ADAMTSL1: variants seen among roughly 807,000 people sequenced by gnomAD.
ADAMTSL1 encodes ADAMTS like 1.
In ADAMTSL1, 126 loss-of-function variants were observed where a neutral mutation model predicts 201.8. The observed-to-expected ratio is 0.62, with a 90% CI of 0.54 to 0.72. The LOEUF (loss-of-function observed/expected upper bound fraction) is 0.72, where lower values mean the gene tolerates loss of function less well. ADAMTSL1 is among the 30% of genes least tolerant of loss of function. The probability of loss-of-function intolerance (pLI) is 0.00; values close to 1 mark genes in which losing one functional copy is unlikely to be tolerated. For missense variants in ADAMTSL1, 2,679 were observed against 2,277.8 expected (o/e 1.18, Z -3.59); for synonymous variants, 1,121 against 903.4 (o/e 1.24, Z -4.32).
At chr9:18,012,312 G>T (rs1198024274) in intron 1 of ADAMTSL1, among the ~76,000 whole-genome samples, 2 of 152,014 alleles carry the variant, frequency 1.3e-5, no homozygotes, top group Admixed American at 6.6e-5. Context: ...CAGGGTTTCT[G>T]GTGTGTGCAT....
intron 2 of ADAMTSL1, among the ~76,000 whole-genome samples, chr9:18,198,859 C>G (rs938946372): frequency 7.0e-6 from 1 of 143,746 alleles, no homozygotes; most frequent in African/African-American, 2.6e-5. Flanking sequence ...GGAACCAACC[C>G]AAATGTCCAA....
chr9:18,312,991 G>C (rs144876467), intron 2 of ADAMTSL1, among the ~76,000 whole-genome samples: 3 of 152,194 alleles, frequency 2.0e-5, no homozygotes, highest in Admixed American at 2.0e-4. Context: ...AGTCTGTGGA[G>C]ATAATAAAGG....
chr9:18,577,789 C>G (rs1822829668), intron 4 of ADAMTSL1, among the ~76,000 whole-genome samples: 1 of 151,976 alleles, frequency 6.6e-6, no homozygotes, highest in Non-Finnish European at 1.5e-5. Flanking sequence ...TGACAAGTAA[C>G]AAACTTCTTA....
intron 2 of ADAMTSL1, among the ~76,000 whole-genome samples, chr9:18,315,397 T>C (rs2132820429): frequency 6.6e-6 from 1 of 151,796 alleles, no homozygotes; most frequent in South Asian, 2.1e-4. Context: ...GTGGCGCCCG[T>C]CAGGGAGGCT....
intron 1 of ADAMTSL1, among the ~76,000 whole-genome samples, chr9:18,136,272 A>G (rs1007407572): frequency 2.0e-5 from 3 of 152,188 alleles, no homozygotes; most frequent in Non-Finnish European, 4.4e-5. Flanking sequence ...GTGCATTGGG[A>G]TTCATTTTCA....
intron 22 of ADAMTSL1, among the ~76,000 whole-genome samples, chr9:18,828,728 C>T (rs1824784124): frequency 7.9e-6 from 1 of 127,324 alleles, no homozygotes; most frequent in African/African-American, 2.9e-5. Context: ...TATATGTACA[C>T]ACACACACAT....
chr9:18,660,254 A>C (rs1828993978), intron 8 of ADAMTSL1, among the ~76,000 whole-genome samples: 1 of 152,196 alleles, frequency 6.6e-6, no homozygotes, highest in Admixed American at 6.5e-5. Context: ...TTTATTTTGA[A>C]ATGTACTGAA....
At chr9:18,407,271 G>C (rs1490499545) in intron 2 of ADAMTSL1, among the ~76,000 whole-genome samples, 1 of 152,202 alleles carries the variant, frequency 6.6e-6, no homozygotes, top group Non-Finnish European at 1.5e-5. Flanking sequence ...TTTGTCAAAT[G>C]ATTGAGCAGT....
At chr9:18,251,097 C>G (rs559047637) in intron 2 of ADAMTSL1, among the ~76,000 whole-genome samples, 12 of 151,546 alleles carry the variant, frequency 7.9e-5, no homozygotes, top group African/African-American at 2.7e-4. Context: ...AACTCTAAAA[C>G]TAAAAAAAAG....
chr9:18,176,900 G>A (rs559709561), intron 2 of ADAMTSL1, among the ~76,000 whole-genome samples: 19 of 152,240 alleles, frequency 1.2e-4, no homozygotes, highest in South Asian at 4.1e-4. Context: ...CAGAAACAGC[G>A]CTTGATTTTA....
intron 2 of ADAMTSL1, among the ~76,000 whole-genome samples, chr9:18,231,556 G>T (rs1325544525): frequency 6.6e-6 from 1 of 152,058 alleles, no homozygotes; most frequent in Admixed American, 6.6e-5. Context: ...AACTTGAATT[G>T]TTTCTTTACT....
intron 1 of ADAMTSL1, among the ~76,000 whole-genome samples, chr9:18,142,565 A>G (rs559626863): frequency 1.1e-3 from 173 of 152,318 alleles, no homozygotes; most frequent in Non-Finnish European, 2.2e-3. Context: ...GGAACAACTT[A>G]TGAAGCAGGT....
At chr9:18,849,024 T>A (rs1334786221) in intron 23 of ADAMTSL1, among the ~76,000 whole-genome samples, 1 of 152,218 alleles carries the variant, frequency 6.6e-6, no homozygotes, top group African/African-American at 2.4e-5. Context: ...TCAAACCACA[T>A]AACCTCAATG....
At chr9:18,263,376 G>A (rs10810939) in intron 2 of ADAMTSL1, among the ~76,000 whole-genome samples, 44,875 of 151,658 alleles carry the variant, frequency 0.3, 7,221 homozygotes, top group South Asian at 0.47. Flanking sequence ...TCTATTTTTC[G>A]GGCTTTCCCC....
chr9:18,350,341 A>G (rs1464153564), intron 2 of ADAMTSL1, among the ~76,000 whole-genome samples: 1 of 152,072 alleles, frequency 6.6e-6, no homozygotes, highest in Non-Finnish European at 1.5e-5. Context: ...CAGGGGGGAA[A>G]AAGAGGTCAT....
intron 2 of ADAMTSL1, among the ~76,000 whole-genome samples, chr9:18,246,795 C>T (rs1270728673): frequency 1.3e-5 from 2 of 152,094 alleles, no homozygotes; most frequent in African/African-American, 4.8e-5. Context: ...ACCACGGCAC[C>T]ACTATCAGTA....
At chr9:18,206,663 C>A (rs7849674) in intron 2 of ADAMTSL1, among the ~76,000 whole-genome samples, 34,481 of 151,984 alleles carry the variant, frequency 0.23, 4,070 homozygotes, top group East Asian at 0.35. Flanking sequence ...TATCCTTTCT[C>A]TATCTTTTAG....
chr9:18,034,864 T>C (rs1319645462), intron 1 of ADAMTSL1, among the ~76,000 whole-genome samples: 2 of 152,210 alleles, frequency 1.3e-5, no homozygotes, highest in Non-Finnish European at 2.9e-5. Context: ...GTCTCTGAGC[T>C]GAATATTTCA....
intron 1 of ADAMTSL1, among the ~76,000 whole-genome samples, chr9:18,475,341 C>T (rs914606300): frequency 6.6e-6 from 1 of 152,114 alleles, no homozygotes; most frequent in Admixed American, 6.5e-5. Flanking sequence ...TATATTCTGA[C>T]AAATCTGATC....
Sources: gnomAD v4.1 joint callset for allele counts (sites outside exome capture counted in the v4.1 genomes callset) on GRCh38, gnomAD v4.1.1 for gene constraint, MANE v1.5 for transcripts, NCBI Gene and HGNC (gene_info 2026-07-23, HGNC 2026-07-21) for gene names.